Variants in RCAN2 observed in about 807,000 individuals in gnomAD.
RCAN2 encodes regulator of calcineurin 2.
A neutral mutation model predicts 23.6 loss-of-function variants in RCAN2; 9 were observed. The ratio of observed to expected loss-of-function variants is 0.38; its 90% CI spans 0.23 to 0.67. RCAN2 has a LOEUF of 0.67. Among genes scored for constraint, RCAN2 ranks in the 30% least tolerant of loss-of-function variants. RCAN2 has a pLI of 0.51. For missense variants in RCAN2, 273 were observed against 302.3 expected, an observed-to-expected ratio of 0.90 and a Z score of 0.72; for synonymous variants, 109 against 115.7, an observed-to-expected ratio of 0.94 and a Z score of 0.37.
intron 2 of RCAN2, among the ~76,000 whole-genome samples, chr6:46,449,503 C>T (rs1767813360): frequency 6.6e-6 from 1 of 150,762 alleles, no homozygotes; most frequent in African/African-American, 2.4e-5. Context: ...AAAAAAAAAT[C>T]CTGAAATTTA....
intron 2 of RCAN2, among the ~76,000 whole-genome samples, chr6:46,408,000 C>T (rs764788862): frequency 6.6e-6 from 1 of 152,148 alleles, no homozygotes; most frequent in Non-Finnish European, 1.5e-5. Context: ...TTTGATTTTT[C>T]AGTCATCAGT....
intron 1 of RCAN2, among the ~76,000 whole-genome samples, chr6:46,464,986 G>A (rs900839808): frequency 2.0e-5 from 3 of 151,088 alleles, no homozygotes; most frequent in Non-Finnish European, 4.4e-5. Flanking sequence ...GGATTTTAAT[G>A]CCCATGATCT....
At chr6:46,299,677 C>T (rs1015591753) in intron 2 of RCAN2, among the ~76,000 whole-genome samples, 8 of 151,974 alleles carry the variant, frequency 5.3e-5, no homozygotes, top group Non-Finnish European at 8.8e-5. Context: ...AAACCTGGAT[C>T]AACTTATTTG....
At chr6:46,308,730 A>C (rs181524919) in intron 2 of RCAN2, among the ~76,000 whole-genome samples, 3 of 152,202 alleles carry the variant, frequency 2.0e-5, no homozygotes, top group African/African-American at 7.2e-5. Context: ...TTCAAAGAAC[A>C]AAAGTACTTT....
chr6:46,248,672 T>C, intron 3 of RCAN2, 51 bp downstream of exon 3: 6 of 1,420,684 alleles, frequency 4.2e-6, no homozygotes, highest in Non-Finnish European at 5.7e-6. Flanking sequence ...TTTAAAATGG[T>C]AAAAAATAAT....
chr6:46,312,787 G>A (rs1763305857), intron 2 of RCAN2, among the ~76,000 whole-genome samples: 1 of 152,158 alleles, frequency 6.6e-6, no homozygotes, highest in Non-Finnish European at 1.5e-5. Flanking sequence ...CCCTCATCGG[G>A]TCTGGCTGCA....
intron 2 of RCAN2, among the ~76,000 whole-genome samples, chr6:46,268,304 A>G (rs996439066): frequency 6.6e-6 from 1 of 152,210 alleles, no homozygotes; most frequent in Non-Finnish European, 1.5e-5. Flanking sequence ...ACTCCACAAA[A>G]TTGAACTTCC....
At chr6:46,479,060 C>T (rs1037804855) in intron 1 of RCAN2, among the ~76,000 whole-genome samples, 10 of 152,186 alleles carry the variant, frequency 6.6e-5, no homozygotes, top group African/African-American at 2.4e-4. Flanking sequence ...CAAGGTCAGA[C>T]CTTTACTGTC....
chr6:46,296,530 A>G (rs556647435), intron 2 of RCAN2, among the ~76,000 whole-genome samples: 1 of 152,272 alleles, frequency 6.6e-6, no homozygotes, highest in African/African-American at 2.4e-5. Context: ...TACATAATAT[A>G]TAATTCTTTG....
intron 2 of RCAN2, among the ~76,000 whole-genome samples, chr6:46,407,217 C>T (rs928809194): frequency 6.6e-6 from 1 of 152,212 alleles, no homozygotes; most frequent in African/African-American, 2.4e-5. Context: ...AAACACAACA[C>T]AGGGAGAGTT....
chr6:46,286,738 C>T (rs949198617), intron 2 of RCAN2, among the ~76,000 whole-genome samples: 6 of 152,146 alleles, frequency 3.9e-5, no homozygotes, highest in African/African-American at 1.4e-4. Context: ...AGTGGTGGCT[C>T]ACGCCTGTAA....
chr6:46,485,968 T>C (rs1313094960), intron 1 of RCAN2, among the ~76,000 whole-genome samples: 1 of 152,208 alleles, frequency 6.6e-6, no homozygotes, highest in Non-Finnish European at 1.5e-5. Flanking sequence ...TTTATATGCA[T>C]TGGACATCTT....
At chr6:46,445,664 A>T (rs1767684163) in intron 2 of RCAN2, among the ~76,000 whole-genome samples, 1 of 152,204 alleles carries the variant, frequency 6.6e-6, no homozygotes, top group Non-Finnish European at 1.5e-5. Flanking sequence ...CAAAAATATA[A>T]TAACATACAG....
At chr6:46,289,941 T>G (rs2150344276) in intron 2 of RCAN2, among the ~76,000 whole-genome samples, 1 of 152,302 alleles carries the variant, frequency 6.6e-6, no homozygotes, top group East Asian at 1.9e-4. Context: ...AATCTCCTTG[T>G]TAAAGATTGT....
intron 2 of RCAN2, among the ~76,000 whole-genome samples, chr6:46,400,378 C>T (rs551718303): frequency 4.6e-5 from 7 of 152,270 alleles, no homozygotes; most frequent in South Asian, 2.1e-4. Flanking sequence ...TTCTTAGAAG[C>T]GAAGGCAGAC....
intron 2 of RCAN2, among the ~76,000 whole-genome samples, chr6:46,395,199 G>T (rs1284522076): frequency 6.6e-6 from 1 of 152,170 alleles, no homozygotes; most frequent in East Asian, 1.9e-4. Context: ...TCAGGCAAGA[G>T]ACATGCATTA....
intron 2 of RCAN2, among the ~76,000 whole-genome samples, chr6:46,324,047 C>G (rs1428919190): frequency 6.6e-6 from 1 of 152,174 alleles, no homozygotes. Flanking sequence ...TGTCTCTCTA[C>G]CTGGTTACCC....
chr6:46,466,408 G>A lies in RCAN2; in HGVS notation c.-2-9430C>T, dbSNP rs189589729. Among the ~76,000 whole-genome samples, 455 of 152,196 alleles carry A rather than the reference G, an allele frequency of 3.0e-3. 3 individuals carry two copies. The highest frequency in any genetic ancestry group is 0.01 in the African/African-American group (426 of 41,514). ...TGACTTATTTAGAAAAGAAAAGATG[G>A]ACTAGAAGGCTGCCTAGGGAGTGGA... On this transcript the variant is annotated intron_variant, in intron 1 of 4. Transcript: ENST00000371374.
intron 2 of RCAN2, among the ~76,000 whole-genome samples, chr6:46,311,460 T>C (rs1417289222): frequency 2.0e-5 from 3 of 152,180 alleles, no homozygotes; most frequent in Admixed American, 2.0e-4. Context: ...GAGATCTACC[T>C]GCAAATGAAC....
Sources: allele counts gnomAD v4.1 joint callset (sites outside exome capture counted in the v4.1 genomes callset), GRCh38; gene constraint gnomAD v4.1.1; transcripts MANE v1.5; gene names NCBI Gene and HGNC (gene_info 2026-07-23, HGNC 2026-07-21).